SLC25A48: variants seen among roughly 807,000 people sequenced by gnomAD.
SLC25A48 encodes solute carrier family 25 member 48, also known as CTC-321K16.1.
SLC25A48 carries 29 observed loss-of-function variants against 32.2 expected under a neutral mutation model. The ratio of observed to expected loss-of-function variants is 0.90; its 90% CI spans 0.67 to 1.23. The LOEUF is 1.23. Among genes scored for constraint, SLC25A48 ranks in the 50% most tolerant of loss-of-function variants. SLC25A48 has a pLI of 0.00. For synonymous variants in SLC25A48, 164 were observed against 172.3 expected, an observed-to-expected ratio of 0.95 and a Z score of 0.38; for missense variants, 399 against 422.7, an observed-to-expected ratio of 0.94 and a Z score of 0.49.
At chr5:135,611,983 G>T (rs922355379) in intron 1 of SLC25A48, among the ~76,000 whole-genome samples, 6 of 152,180 alleles carry the variant, frequency 3.9e-5, no homozygotes, top group Non-Finnish European at 8.8e-5. Flanking sequence ...AATGTTATTA[G>T]CATTAATAAG....
rs182505707 is a variant in SLC25A48 at position 135,598,303 on chromosome 5, C to T, written c.-849+18706C>T. ...GGGCTTCCCTTACCCAGTGGTTCTTCCTATTGCATTATCTCATTTAACAGC... is the reference window on the plus strand; with the variant it reads ...GGGCTTCCCTTACCCAGTGGTTCTTTCTATTGCATTATCTCATTTAACAGC... On this transcript the variant is annotated intron_variant, in intron 1 of 10. Transcript: ENST00000646290. Among the ~76,000 whole-genome samples the T allele has an allele frequency of 4.4e-3, 671 of 152,320 alleles. 5 individuals are homozygous for T. Among genetic ancestry groups the T allele is most frequent in the Non-Finnish European group, 5.9e-3 (401 of 68,026 alleles).
chr5:135,673,969 G>T (rs1212278199), intron 3 of SLC25A48, among the ~76,000 whole-genome samples: 1 of 151,616 alleles, frequency 6.6e-6, no homozygotes, highest in East Asian at 1.9e-4. Context: ...TTGTTCTAAG[G>T]CTCTCCTTTC....
At chr5:135,750,171 G>A (rs184857696) in intron 3 of SLC25A48, among the ~76,000 whole-genome samples, 22 of 152,290 alleles carry the variant, frequency 1.4e-4, no homozygotes, top group African/African-American at 3.6e-4. Context: ...TGGAAAGGGC[G>A]TTGACCCCTG....
At position 135,723,380 on chromosome 5, in the gene SLC25A48, T is replaced by TCTCACACACA. The variant is rs1356362581; in HGVS notation, c.-521+88425_-521+88426insTCACACACAC. The stretch of plus-strand genomic sequence containing the variant: ...GTCTCTCACTCTCTCTCTCTCTCTC[T>TCTCACACACA]CACACACACACACACACACACACAC... On this transcript the variant is annotated intron_variant, in intron 3 of 10. Transcript: ENST00000646290. Among the ~76,000 whole-genome samples, 790 of 111,716 alleles carry TCTCACACACA rather than the reference T, an allele frequency of 7.1e-3. 7 individuals carry two copies. The highest frequency in any genetic ancestry group is 0.025 in the African/African-American group (736 of 29,430). The allele number at this position is 111,716 out of a possible 152,430, so 73.3% of individuals were successfully genotyped here.
intron 3 of SLC25A48, among the ~76,000 whole-genome samples, chr5:135,770,279 G>A (rs946759407): frequency 7.4e-6 from 1 of 135,000 alleles, no homozygotes; most frequent in Non-Finnish European, 1.6e-5. Flanking sequence ...TTGCAGGGGG[G>A]TAAACCCCCT....
intron 3 of SLC25A48, among the ~76,000 whole-genome samples, chr5:135,751,336 T>C (rs7378848): frequency 0.71 from 107,797 of 151,984 alleles, 39,686 homozygotes; most frequent in Middle Eastern, 0.83. Flanking sequence ...TCAAGGCAAC[T>C]AAGTTTATTT....
At chr5:135,835,278 C>A (rs1252966882) in intron 1 of SLC25A48, 1 of 453,606 alleles carries the variant, frequency 2.2e-6, no homozygotes, top group Non-Finnish European at 4.4e-6. Context: ...ATGAGGGTAG[C>A]GCTTGGCTGC....
intron 3 of SLC25A48, among the ~76,000 whole-genome samples, chr5:135,796,323 G>A (rs917913172): frequency 3.3e-5 from 5 of 151,760 alleles, no homozygotes; most frequent in African/African-American, 1.2e-4. Flanking sequence ...ATTGTGGGGG[G>A]TGTGCACCCC....
At chr5:135,887,818 G>A (rs192765018) in intron 7 of SLC25A48, among the ~76,000 whole-genome samples, 1 of 152,238 alleles carries the variant, frequency 6.6e-6, no homozygotes, top group East Asian at 1.9e-4. Context: ...GCTCTTGCAG[G>A]CAGCAGTGCC....
intron 3 of SLC25A48, among the ~76,000 whole-genome samples, chr5:135,851,603 C>CATGT (rs10656600): frequency 6.6e-6 from 1 of 151,888 alleles, no homozygotes; most frequent in Non-Finnish European, 1.5e-5. Flanking sequence ...TGTATATATG[C>CATGT]GTGTGTGTGC....
intron 1 of SLC25A48, among the ~76,000 whole-genome samples, chr5:135,602,612 TTC>T (rs1297431329): frequency 2.3e-4 from 34 of 148,464 alleles, no homozygotes; most frequent in African/African-American, 8.7e-4. Flanking sequence ...TTTTTTTTCT[TTC>T]TTTTTTTTTT....
At chr5:135,776,660 G>A (rs1294970610) in intron 3 of SLC25A48, among the ~76,000 whole-genome samples, 4 of 151,368 alleles carry the variant, frequency 2.6e-5, no homozygotes, top group African/African-American at 9.7e-5. Flanking sequence ...TCCAGGGGGA[G>A]GGAGAGTGAT....
intron 3 of SLC25A48, among the ~76,000 whole-genome samples, chr5:135,774,970 C>A (rs781765650): frequency 6.6e-6 from 1 of 151,700 alleles, no homozygotes; most frequent in African/African-American, 2.4e-5. Flanking sequence ...AGAGGTTGTA[C>A]ACCCCGCTTG....
intron 1 of SLC25A48, among the ~76,000 whole-genome samples, chr5:135,622,742 G>A (rs761242224): frequency 6.6e-6 from 1 of 152,106 alleles, no homozygotes; most frequent in Non-Finnish European, 1.5e-5. Context: ...AATTTTGTGC[G>A]ATGTACATGT....
chr5:135,835,100 G>T (rs1229803660), intron 1 of SLC25A48: 2 of 720,506 alleles, frequency 2.8e-6, no homozygotes, highest in Non-Finnish European at 5.1e-6. Flanking sequence ...CAGCGTTTCG[G>T]GCTGAGCTTC....
intron 3 of SLC25A48, among the ~76,000 whole-genome samples, chr5:135,737,603 C>A (rs961862595): frequency 3.0e-4 from 45 of 152,100 alleles, no homozygotes; most frequent in African/African-American, 1.0e-3. Context: ...AAGATGGAAA[C>A]CTGGAAAAGC....
chr5:135,835,556 G>A (rs1758430782), intron 1 of SLC25A48, among the ~76,000 whole-genome samples: 1 of 152,090 alleles, frequency 6.6e-6, no homozygotes, highest in African/African-American at 2.4e-5. Context: ...CTGGGCCTGG[G>A]ATGGGTTGCC....
chr5:135,867,905 C>G (rs1761328371), intron 4 of SLC25A48, among the ~76,000 whole-genome samples: 1 of 152,186 alleles, frequency 6.6e-6, no homozygotes, highest in Non-Finnish European at 1.5e-5. Flanking sequence ...AGAAAGGTTG[C>G]TTCTCAATGA....
At chr5:135,587,348 T>A (rs1389370566) in intron 1 of SLC25A48, among the ~76,000 whole-genome samples, 1 of 152,252 alleles carries the variant, frequency 6.6e-6, no homozygotes, top group Non-Finnish European at 1.5e-5. Context: ...TAAAAGTTTT[T>A]GTCTTCTTAT....
Sources: allele counts gnomAD v4.1 joint callset (sites outside exome capture counted in the v4.1 genomes callset), GRCh38; gene constraint gnomAD v4.1.1; transcripts MANE v1.5; gene names NCBI Gene and HGNC (gene_info 2026-07-23, HGNC 2026-07-21).